Variants in THSD4 observed in about 807,000 individuals in gnomAD.
THSD4 encodes the protein thrombospondin type 1 domain containing 4, also known as thrombospondin type-1 domain-containing protein 4.
THSD4 carries 69 observed loss-of-function variants against 119.0 expected under a neutral mutation model. The ratio of observed to expected loss-of-function variants is 0.58; its 90% CI spans 0.48 to 0.71. The LOEUF is 0.71. Ranked by LOEUF, THSD4 falls within the 30% of genes least tolerant of loss-of-function variation. THSD4 has a pLI of 0.00. For synonymous variants in THSD4, 524 were observed against 540.4 expected, an observed-to-expected ratio of 0.97 and a Z score of 0.42; for missense variants, 1,393 against 1,391.1, an observed-to-expected ratio of 1.00 and a Z score of -0.02.
intron 7 of THSD4, among the ~76,000 whole-genome samples, chr15:71,644,233 G>A (rs1463004233): frequency 2.0e-4 from 30 of 152,134 alleles, no homozygotes; most frequent in Admixed American, 2.0e-3. Context: ...TATGATTCTA[G>A]CATTCTATGT....
intron 3 of THSD4, among the ~76,000 whole-genome samples, chr15:71,203,963 T>TC (rs1228851935): frequency 1.3e-5 from 2 of 152,178 alleles, no homozygotes; most frequent in Non-Finnish European, 2.9e-5. Flanking sequence ...AGATTGCTGT[T>TC]CCCCGAATCA....
chr15:71,519,719 G>A (rs1416317761), intron 7 of THSD4, among the ~76,000 whole-genome samples: 1 of 152,202 alleles, frequency 6.6e-6, no homozygotes, highest in Non-Finnish European at 1.5e-5. Flanking sequence ...GTGTACAGTA[G>A]CAAGACAGGA....
At chr15:71,731,672 A>C in intron 10 of THSD4, 1 of 176,204 alleles carries the variant, frequency 5.7e-6, no homozygotes, top group Non-Finnish European at 1.2e-5. Context: ...AATCCCAGCT[A>C]CTCAGGAGGC....
intron 7 of THSD4, among the ~76,000 whole-genome samples, chr15:71,436,130 C>T (rs2047010169): frequency 6.6e-6 from 1 of 152,132 alleles, no homozygotes; most frequent in South Asian, 2.1e-4. Context: ...ACCCACAGCA[C>T]AGTTTGTCTT....
chr15:71,265,607 C>T (rs1301060378), intron 6 of THSD4, among the ~76,000 whole-genome samples: 1 of 151,998 alleles, frequency 6.6e-6, no homozygotes, highest in East Asian at 1.9e-4. Context: ...TGAGACAAAA[C>T]TGTTCACTCC....
Position 71,737,783 on chromosome 15 carries a change from GA to G in THSD4, c.1683del (p.Glu562AsnfsTer101). 1 of 1,614,178 alleles carries G rather than the reference GA, an allele frequency of 6.2e-7. No individual in the cohort carries two copies. The highest frequency in any genetic ancestry group is 8.5e-7 in the Non-Finnish European group (1 of 1,179,984). On this transcript the variant is annotated frameshift_variant, in exon 11 of 18. Coordinates refer to ENST00000261862, the MANE Select transcript of THSD4 (RefSeq NM_024817.3). LOFTEE classifies it high-confidence loss of function. ...MVTEGRSQEE[G>X]EQKGRNEEKE... ...ACAGAAGGCAGGAGCCAGGAGGAGG[GA>G]GAACAGAAAGGGAGGAACGAGGAGA...
chr15:71,565,499 T>G (rs1402801690), intron 7 of THSD4, among the ~76,000 whole-genome samples: 1 of 152,174 alleles, frequency 6.6e-6, no homozygotes, highest in African/African-American at 2.4e-5. Context: ...CTCAATTATG[T>G]GATACAGACA....
chr15:71,279,371 T>C (rs2044626453), intron 6 of THSD4, among the ~76,000 whole-genome samples: 1 of 150,306 alleles, frequency 6.7e-6, no homozygotes, highest in South Asian at 2.1e-4. Flanking sequence ...TGCCTGGTCC[T>C]ACACCCAGTT....
At chr15:71,624,867 T>C (rs1362815091) in intron 7 of THSD4, among the ~76,000 whole-genome samples, 3 of 152,224 alleles carry the variant, frequency 2.0e-5, no homozygotes, top group African/African-American at 7.2e-5. Context: ...GTCATTGATC[T>C]TGACAGATAT....
intron 6 of THSD4, among the ~76,000 whole-genome samples, chr15:71,355,288 C>T (rs2045794327): frequency 6.6e-6 from 1 of 152,238 alleles, no homozygotes; most frequent in Non-Finnish European, 1.5e-5. Flanking sequence ...TGCTTACACC[C>T]AGCTCATCAA....
intron 7 of THSD4, among the ~76,000 whole-genome samples, chr15:71,484,847 C>A (rs2047790408): frequency 6.6e-6 from 1 of 152,242 alleles, no homozygotes; most frequent in African/African-American, 2.4e-5. Flanking sequence ...GGCATTGGGA[C>A]TTAAAAGAGG....
intron 6 of THSD4, among the ~76,000 whole-genome samples, chr15:71,336,862 CT>C (rs1227925175): frequency 6.6e-6 from 1 of 152,214 alleles, no homozygotes; most frequent in Non-Finnish European, 1.5e-5. Context: ...GACTTTCACA[CT>C]TTCACCGGTG....
At chr15:71,263,150 G>T (rs542270140) in intron 6 of THSD4, among the ~76,000 whole-genome samples, 12 of 151,954 alleles carry the variant, frequency 7.9e-5, no homozygotes, top group African/African-American at 2.9e-4. Context: ...TCCAGTGTGT[G>T]TTGTTCCCCT....
chr15:71,630,825 C>T (rs1567071743), intron 7 of THSD4, among the ~76,000 whole-genome samples: 1 of 152,110 alleles, frequency 6.6e-6, no homozygotes, highest in Admixed American at 6.6e-5. Context: ...CATTTCAGAC[C>T]AATAATTCTA....
At chr15:71,411,300 A>G (rs1032705868) in intron 6 of THSD4, among the ~76,000 whole-genome samples, 1 of 152,194 alleles carries the variant, frequency 6.6e-6, no homozygotes, top group African/African-American at 2.4e-5. Context: ...ATCATCAAAT[A>G]TGGGGAGAGC....
At chr15:71,629,805 T>C (rs2050586307) in intron 7 of THSD4, among the ~76,000 whole-genome samples, 1 of 152,124 alleles carries the variant, frequency 6.6e-6, no homozygotes. Context: ...AGCCCTGCTT[T>C]TCTATACTTT....
chr15:71,308,354 G>A (rs543503703), intron 6 of THSD4, among the ~76,000 whole-genome samples: 1 of 152,280 alleles, frequency 6.6e-6, no homozygotes, highest in East Asian at 1.9e-4. Flanking sequence ...TAGAATGATT[G>A]AATTCAAGTC....
chr15:71,674,459 T>C (rs2051597796), intron 8 of THSD4, among the ~76,000 whole-genome samples: 1 of 152,168 alleles, frequency 6.6e-6, no homozygotes, highest in Admixed American at 6.5e-5. Context: ...TTAGTTCCCA[T>C]ATCTCCCTGG....
chr15:71,385,627 G>A (rs1013423517), intron 6 of THSD4, among the ~76,000 whole-genome samples: 2 of 152,126 alleles, frequency 1.3e-5, no homozygotes, highest in African/African-American at 4.8e-5. Context: ...GTGGCCACCT[G>A]TGATTGACTG....
Sources: gnomAD v4.1 joint callset for allele counts (sites outside exome capture counted in the v4.1 genomes callset) on GRCh38, gnomAD v4.1.1 for gene constraint, MANE v1.5 for transcripts, NCBI Gene and HGNC (gene_info 2026-07-23, HGNC 2026-07-21) for gene names.